MAPKAP1: variants seen among roughly 807,000 people sequenced by gnomAD.
The protein encoded by MAPKAP1 is MAPK associated protein 1.
In MAPKAP1, 20 loss-of-function variants were observed where a neutral mutation model predicts 65.7. That is an observed-to-expected ratio of 0.30 (90% CI 0.21 to 0.44). The LOEUF is 0.44. Among genes scored for constraint, MAPKAP1 ranks in the 20% least tolerant of loss-of-function variants. The probability of loss-of-function intolerance (pLI) is 1.00; values close to 1 mark genes in which losing one functional copy is unlikely to be tolerated. For synonymous variants in MAPKAP1, 222 were observed against 244.3 expected (o/e 0.91, Z 0.85); for missense variants, 423 against 648.0 (o/e 0.65, Z 3.77).
intron 7 of MAPKAP1, among the ~76,000 whole-genome samples, chr9:125,511,296 C>T (rs1456597183): frequency 6.6e-6 from 1 of 152,084 alleles, no homozygotes; most frequent in Non-Finnish European, 1.5e-5. Flanking sequence ...TGTGCTAGGT[C>T]TTTTATGTAC....
At chr9:125,547,435 C>A (rs1475988481) in intron 6 of MAPKAP1, among the ~76,000 whole-genome samples, 1 of 152,156 alleles carries the variant, frequency 6.6e-6, no homozygotes, top group Non-Finnish European at 1.5e-5. Context: ...CATGTGGGAA[C>A]CTCAGCCGCA....
intron 3 of MAPKAP1, among the ~76,000 whole-genome samples, chr9:125,658,728 T>C (rs1000640495): frequency 2.6e-5 from 4 of 152,352 alleles, no homozygotes; most frequent in African/African-American, 9.6e-5. Context: ...CCGTAACTTT[T>C]CAAAGATCAT....
intron 4 of MAPKAP1, chr9:125,596,456 G>GCAATTACAA (rs1354540262): frequency 3.9e-6 from 3 of 760,326 alleles, no homozygotes; most frequent in Admixed American, 1.7e-5. Context: ...AATGATTCTG[G>GCAATTACAA]CAATTACAAC....
intron 10 of MAPKAP1, among the ~76,000 whole-genome samples, chr9:125,461,393 T>C (rs1853488955): frequency 1.3e-5 from 2 of 152,214 alleles, no homozygotes; most frequent in South Asian, 4.1e-4. Context: ...CCTCCTTCAC[T>C]GAATGTGCAC....
chr9:125,632,971 A>G (rs1833329297), intron 4 of MAPKAP1, among the ~76,000 whole-genome samples: 1 of 152,168 alleles, frequency 6.6e-6, no homozygotes, highest in African/African-American at 2.4e-5. Flanking sequence ...AACCCTATCC[A>G]AGAAAGAAAT....
intron 1 of MAPKAP1, among the ~76,000 whole-genome samples, chr9:125,702,884 C>T (rs568255788): frequency 1.4e-4 from 21 of 151,798 alleles, no homozygotes; most frequent in African/African-American, 5.1e-4. Context: ...ACTAGCTACA[C>T]ATAGTGGCAT....
chr9:125,461,333 A>G (rs1853487375), intron 10 of MAPKAP1, among the ~76,000 whole-genome samples: 1 of 152,178 alleles, frequency 6.6e-6, no homozygotes, highest in Non-Finnish European at 1.5e-5. Flanking sequence ...TTTTGGAAGG[A>G]GATGAGAAAT....
At chr9:125,682,270 T>C (rs1183512388) in intron 1 of MAPKAP1, among the ~76,000 whole-genome samples, 2 of 152,136 alleles carry the variant, frequency 1.3e-5, no homozygotes, top group African/African-American at 4.8e-5. Flanking sequence ...ACAGATAAAA[T>C]GGCACTTTAT....
chr9:125,566,049 TAC>T (rs1831042956), intron 5 of MAPKAP1, among the ~76,000 whole-genome samples: 3 of 152,338 alleles, frequency 2.0e-5, no homozygotes, highest in South Asian at 4.1e-4. Flanking sequence ...AAATTCTATA[TAC>T]AGTCAGAAGC....
At chr9:125,696,078 T>C (rs1835374060) in intron 1 of MAPKAP1, 1 of 152,234 alleles carries the variant, frequency 6.6e-6, no homozygotes, top group Admixed American at 6.5e-5. Context: ...CAATTCATCA[T>C]ATTTTAACAC....
chr9:125,597,639 T>G (rs1832177926), intron 4 of MAPKAP1, among the ~76,000 whole-genome samples: 1 of 152,206 alleles, frequency 6.6e-6, no homozygotes, highest in Non-Finnish European at 1.5e-5. Context: ...GCTTAGCTTC[T>G]GCAATTAAAG....
intron 1 of MAPKAP1, among the ~76,000 whole-genome samples, chr9:125,699,867 G>C (rs1835543645): frequency 6.6e-6 from 1 of 152,040 alleles, no homozygotes; most frequent in African/African-American, 2.4e-5. Context: ...CACTCATCTT[G>C]GCCTCCCAAA....
chr9:125,693,838 T>C (rs62567183), intron 1 of MAPKAP1, among the ~76,000 whole-genome samples: 38,756 of 116,768 alleles, frequency 0.33, 6,432 homozygotes, highest in Middle Eastern at 0.4. Context: ...CACATATATA[T>C]ACACACATAC....
chr9:125,642,895 T>C (rs1373627286), intron 4 of MAPKAP1, among the ~76,000 whole-genome samples: 4 of 152,000 alleles, frequency 2.6e-5, no homozygotes, highest in Non-Finnish European at 5.9e-5. Flanking sequence ...AAAAATATAA[T>C]ATATATGCCT....
At position 125,591,703 on chromosome 9, in the gene MAPKAP1, G is replaced by A. The variant is rs567500088; in HGVS notation, c.499-5976C>T. On this transcript the variant is annotated intron_variant, in intron 4 of 11. Coordinates refer to ENST00000265960, the MANE Select transcript of MAPKAP1 (RefSeq NM_001006617.3). ...GTCTTCTGAAAAAGCTCAAGGTGGT[G>A]GCAGTTAGCTCTATCCTAATAGTCC... is the stretch of plus-strand genomic sequence containing the variant. 5.3e-5 allele frequency among the ~76,000 whole-genome samples: 8 copies of A among 152,180 alleles called. No individual in the cohort carries two copies. In the South Asian group the frequency reaches 1.7e-3, roughly 32 times the overall value.
chr9:125,686,018 A>G (rs1564616555), intron 1 of MAPKAP1, among the ~76,000 whole-genome samples: 1 of 152,228 alleles, frequency 6.6e-6, no homozygotes, highest in Non-Finnish European at 1.5e-5. Flanking sequence ...GGGTAACCAC[A>G]TATCAATTAA....
intron 7 of MAPKAP1, among the ~76,000 whole-genome samples, chr9:125,527,414 G>A (rs1338626483): frequency 6.6e-6 from 1 of 152,168 alleles, no homozygotes. Context: ...GTCCTATGAT[G>A]AAAAAGAGTA....
chr9:125,671,829 C>T (rs1834505943), intron 2 of MAPKAP1, among the ~76,000 whole-genome samples: 2 of 152,086 alleles, frequency 1.3e-5, no homozygotes, highest in Admixed American at 1.3e-4. Flanking sequence ...CTACTAAAAC[C>T]AGCCCTAACA....
intron 6 of MAPKAP1, among the ~76,000 whole-genome samples, chr9:125,545,733 A>G (rs577021643): frequency 5.3e-5 from 8 of 152,332 alleles, no homozygotes; most frequent in African/African-American, 1.7e-4. Context: ...TGTCCTTTTA[A>G]AAGATTTTTG....
Sources: allele counts gnomAD v4.1 joint callset (sites outside exome capture counted in the v4.1 genomes callset), GRCh38; gene constraint gnomAD v4.1.1; transcripts MANE v1.5; gene names NCBI Gene and HGNC (gene_info 2026-07-23, HGNC 2026-07-21).